The following FH variants were observed in gnomAD, a reference collection of about 807,000 sequenced individuals.
The protein encoded by FH is fumarate hydratase.
FH carries 22 observed loss-of-function variants against 49.4 expected under a neutral mutation model. That is an observed-to-expected ratio of 0.45 (90% confidence interval 0.32 to 0.64). The LOEUF is 0.64. Ranked by LOEUF, FH falls within the 30% of genes least tolerant of loss-of-function variation. FH has a pLI of 0.05. For missense variants in FH, 526 were observed against 641.5 expected, an observed-to-expected ratio of 0.82 and a Z score of 1.95; for synonymous variants, 208 against 223.0, an observed-to-expected ratio of 0.93 and a Z score of 0.60.
Position 241,517,256 on chromosome 1 carries a change from C to A in FH, c.193G>T (p.Asp65Tyr), listed in dbSNP as rs769956664. The change falls in exon 2 of 10, where the codon GAT becomes TAT. Residue 65 changes from aspartate (D) to tyrosine (Y), a missense_variant. Asp to Tyr is a radical substitution (Grantham distance 160, BLOSUM62 -3). This residue lies in a region of FH where 143 missense variants were observed against 127.5 expected (regional missense o/e 1.12). Transcript: ENST00000366560. ...ACGGTCTGGGCGCCATAATACTTAT[C>A]ATTTGGCACCTTTAGTTCACCAAAG... ...DTFGELKVPN[D>Y]KYYGAQTVRS... 1.2e-6 allele frequency: 2 copies of A among 1,614,098 alleles called. No individual in the cohort carries two copies. The highest frequency in any genetic ancestry group is 1.7e-6 in the Non-Finnish European group (2 of 1,180,006).
At chr1:241,507,376 T>C (rs1659957501) in intron 5 of FH, among the ~76,000 whole-genome samples, 1 of 151,994 alleles carries the variant, frequency 6.6e-6, no homozygotes, top group Non-Finnish European at 1.5e-5. Flanking sequence ...TGCCTAAGGA[T>C]GCATTTTTCA....
rs1044975651 is a variant in FH, at chr1:241,506,130, C to T, written c.777G>A (p.Met259Ile). 3 of 1,613,856 alleles carry T rather than the reference C, an allele frequency of 1.9e-6. No homozygotes were observed. Among genetic ancestry groups the T allele is most frequent in the Non-Finnish European group, 2.5e-6 (3 of 1,179,848 alleles). ...TTGGCATGGCAGCTTTTATTCTTGT[C>T]ATTGCATATTTTACTTGTTGAACAT... Reference protein sequence around the residue: ...SGYVQQVKYAMTRIKAAMPRI... With the variant: ...SGYVQQVKYAITRIKAAMPRI... Residue 259 changes from methionine (M) to isoleucine (I), a missense_variant, in exon 6 of 10, where the codon ATG becomes ATA. Physicochemically the swap from Met to Ile is conservative, Grantham distance 10. Transcript: ENST00000366560.
chr1:241,518,178 C>T (rs1205043222), intron 1 of FH, among the ~76,000 whole-genome samples: 5 of 152,122 alleles, frequency 3.3e-5, no homozygotes, highest in Non-Finnish European at 7.4e-5. Context: ...GAACTTTTAA[C>T]AAAACCAACA....
intron 1 of FH, among the ~76,000 whole-genome samples, chr1:241,518,073 T>A (rs888660485): frequency 1.3e-5 from 2 of 152,234 alleles, no homozygotes; most frequent in Admixed American, 1.3e-4. Flanking sequence ...ATAAACAGTA[T>A]CTTTCTATTG....
intron 2 of FH, among the ~76,000 whole-genome samples, chr1:241,516,014 T>G (rs1660201893): frequency 6.6e-6 from 1 of 152,236 alleles, no homozygotes; most frequent in South Asian, 2.1e-4. Flanking sequence ...AGAGTAATAC[T>G]TTGATGTGTT....
intron 1 of FH, 158 bp downstream of exon 1, chr1:241,519,433 C>T: frequency 1.1e-6 from 1 of 886,560 alleles, no homozygotes; most frequent in Non-Finnish European, 1.6e-6. Flanking sequence ...GTCCCGAGGC[C>T]GGGAGGCCCG....
In FH at chr1:241,512,078, C is replaced by T. The variant is rs928534157; in HGVS notation, c.444G>A (p.Gln148=). Reference sequence around the variant, plus strand: ...TGACTTCATTTACATTCATATTTGTCTGAGTTCCTGATCCAGTCTGCCATA... The same window carrying T: ...TGACTTCATTTACATTCATATTTGTTTGAGTTCCTGATCCAGTCTGCCATA... ...LVVWQTGSGT[Q]TNMNVNEVIS... Residue 148 remains glutamine, a synonymous_variant, in exon 4 of 10, where the codon CAG becomes CAA. Coordinates refer to ENST00000366560, the MANE Select transcript of FH (RefSeq NM_000143.4). 6 of 1,613,792 alleles carry T rather than the reference C, an allele frequency of 3.7e-6. No homozygotes were observed. In the South Asian group the frequency reaches 4.4e-5, roughly 12 times the overall value.
At chr1:241,515,595 C>A (rs949028721) in intron 2 of FH, among the ~76,000 whole-genome samples, 8 of 152,020 alleles carry the variant, frequency 5.3e-5, no homozygotes, top group Non-Finnish European at 1.0e-4. Flanking sequence ...AAGAGGCAGT[C>A]TTGAAGGCTT....
At chr1:241,513,785 T>C (rs954536106) in intron 2 of FH, 72 bp from the exon 3 acceptor site, 64 of 1,195,982 alleles carry the variant, frequency 5.4e-5, no homozygotes, top group Non-Finnish European at 7.5e-5. Context: ...TTTTGGCAGA[T>C]GCAAAAGCTA....
Position 241,498,273 on chromosome 1 carries a change from G to A in FH, c.1391-303C>T, listed in dbSNP as rs375687003. On this transcript the variant is annotated intron_variant, in intron 9 of 9. Transcript: ENST00000366560. ...AAAAAAGTAGAAATTATAGCACCAC[G>A]ACATAAAAATATACATCTGGGTATA... Among the ~76,000 whole-genome samples the A allele has an allele frequency of 3.3e-5, 5 of 151,998 alleles. No homozygotes were observed. In the East Asian group the frequency reaches 5.8e-4, roughly 18 times the overall value.
Position 241,519,571 on chromosome 1 carries a change from G to A in FH, c.132+20C>T, listed in dbSNP as rs768086355. 38 of 1,544,808 alleles carry A rather than the reference G, an allele frequency of 2.5e-5. No individual in the cohort carries two copies. In the South Asian group the frequency reaches 4.4e-4, roughly 18 times the overall value. ...TGAAGGTCACTGCGGGGAGGCCGGG[G>A]GATGGCGGCCTGCGCTCACCATTCG... is the stretch of plus-strand genomic sequence containing the variant. On this transcript the variant is annotated intron_variant, in intron 1 of 9. Coordinates refer to ENST00000366560, the MANE Select transcript of FH (RefSeq NM_000143.4).
At chr1:241,508,827 G>C (rs778107517) in intron 4 of FH, 42 bp from the exon 5 acceptor site, 1 of 1,571,448 alleles carries the variant, frequency 6.4e-7, no homozygotes, top group African/African-American at 1.4e-5. Context: ...TGTTAAATCA[G>C]AGGCAACAAA....
chr1:241,505,363 C>T (rs909406011), intron 6 of FH, among the ~76,000 whole-genome samples: 2 of 152,162 alleles, frequency 1.3e-5, no homozygotes, highest in African/African-American at 4.8e-5. Context: ...TATAAATCTA[C>T]ATTTGCCAAA....
At chr1:241,501,686 A>G (rs1037267758) in intron 8 of FH, among the ~76,000 whole-genome samples, 5 of 152,236 alleles carry the variant, frequency 3.3e-5, no homozygotes, top group African/African-American at 4.8e-5. Flanking sequence ...AGAATTTAGA[A>G]GAGATTCCAA....
intron 9 of FH, among the ~76,000 whole-genome samples, chr1:241,500,207 C>T (rs185571811): frequency 2.0e-5 from 3 of 152,102 alleles, no homozygotes; most frequent in African/African-American, 7.2e-5. Context: ...TACTACTTCT[C>T]GATACATTTC....
intron 6 of FH, among the ~76,000 whole-genome samples, chr1:241,505,131 G>C (rs1260346104): frequency 1.3e-5 from 2 of 151,756 alleles, no homozygotes; most frequent in Admixed American, 1.3e-4. Flanking sequence ...GGCTGGTCTC[G>C]AACTCCTGAC....
chr1:241,506,476 C>T (rs965726998), intron 5 of FH, among the ~76,000 whole-genome samples: 15 of 152,148 alleles, frequency 9.9e-5, no homozygotes, highest in Non-Finnish European at 1.5e-5. Flanking sequence ...AACTTTACTA[C>T]ACTAAATTAT....
intron 4 of FH, among the ~76,000 whole-genome samples, chr1:241,511,155 T>C (rs1660073183): frequency 6.6e-6 from 1 of 152,144 alleles, no homozygotes; most frequent in African/African-American, 2.4e-5. Flanking sequence ...GCAAGGTGAT[T>C]AGTTCATAGG....
In FH at chr1:241,502,862, T is replaced by C. The variant is rs1014094784; in HGVS notation, c.1109-292A>G. Among the ~76,000 whole-genome samples the C allele has an allele frequency of 3.9e-5, 6 of 152,232 alleles. No homozygotes were observed. In the East Asian group the frequency reaches 1.2e-3, roughly 29 times the overall value. On this transcript the variant is annotated intron_variant, in intron 7 of 9. Transcript: ENST00000366560. ...GAGCCAGGCACTCAATATACAACAC[T>C]GAATAAGAAAGATGCAGGCCCTGCC...
Sources: allele counts gnomAD v4.1 joint callset (sites outside exome capture counted in the v4.1 genomes callset), GRCh38; gene constraint gnomAD v4.1.1; regional missense constraint gnomAD v4.1.1; transcripts MANE v1.5; gene names NCBI Gene and HGNC (gene_info 2026-07-23, HGNC 2026-07-21).